Variants in NIN observed in about 807,000 individuals in gnomAD.
The protein encoded by NIN is ninein, also known as glycogen synthase kinase 3 beta-interacting protein.
NIN carries 137 observed loss-of-function variants against 257.6 expected under a neutral mutation model. The observed-to-expected ratio is 0.53, with a 90% CI of 0.46 to 0.61. The LOEUF (loss-of-function observed/expected upper bound fraction) is 0.61. NIN is among the 20% of genes least tolerant of loss of function. The pLI, the probability that NIN is intolerant of heterozygous loss-of-function variation, is 0.00. For synonymous variants in NIN, 918 were observed against 919.8 expected, an observed-to-expected ratio of 1.00 and a Z score of 0.04; for missense variants, 2,439 against 2,501.2, an observed-to-expected ratio of 0.98 and a Z score of 0.53.
chr14:50,769,011 T>C (rs1019662987), intron 12 of NIN, among the ~76,000 whole-genome samples: 5 of 152,128 alleles, frequency 3.3e-5, no homozygotes, highest in African/African-American at 1.2e-4. Flanking sequence ...GGTGTTGATG[T>C]TGATTGGGGA....
chr14:50,811,838 C>CAA (rs2044634077), intron 3 of NIN, among the ~76,000 whole-genome samples: 1 of 151,666 alleles, frequency 6.6e-6, no homozygotes, highest in Admixed American at 6.6e-5. Flanking sequence ...ATTAAAAATA[C>CAA]AAAAAATTAG....
At chr14:50,770,757 A>T in intron 11 of NIN, 95 bp downstream of exon 11, 1 of 1,449,430 alleles carries the variant, frequency 6.9e-7, no homozygotes, top group Non-Finnish European at 9.2e-7. Flanking sequence ...TGACCAGAAG[A>T]GTCCCCAGTG....
Position 50,752,704 on chromosome 14 carries a change from T to C in NIN, c.4764A>G (p.Gln1588=), listed in dbSNP as rs2041839386. ...QISELKIKNQ[Q]LDLENTELSQ... Reference sequence around the variant, plus strand: ...TAAGTTCTGTATTTTCCAAATCCAATTGTTGGTTTTTGATTTTTAATTCTG... The same window carrying C: ...TAAGTTCTGTATTTTCCAAATCCAACTGTTGGTTTTTGATTTTTAATTCTG... Residue 1588 remains glutamine (Q), a synonymous_variant, in exon 21 of 31, where the codon CAA becomes CAG. Transcript: ENST00000530997. 2 of 1,598,726 alleles carry C rather than the reference T, an allele frequency of 1.3e-6. No individual in the cohort carries two copies. The highest frequency in any genetic ancestry group is 1.3e-5 in the African/African-American group (1 of 74,304).
chr14:50,758,527 T>A lies in NIN; in HGVS notation c.2503A>T (p.Ser835Cys). 1 of 1,614,176 alleles carries A rather than the reference T, an allele frequency of 6.2e-7. No homozygotes were observed. The highest frequency in any genetic ancestry group is 1.7e-4 in the Middle Eastern group (1 of 6,060). ...TCTTGGCGGTAGCGCCCCTCCAGGCTTTGCAGAGCGCTTTCACACCTCTCA... is the reference window on the plus strand; with the variant it reads ...TCTTGGCGGTAGCGCCCCTCCAGGCATTGCAGAGCGCTTTCACACCTCTCA... ...VTERCESALQSLEGRYRQELK... is the reference protein window; with the variant it reads ...VTERCESALQCLEGRYRQELK... Residue 835 changes from serine to cysteine, a missense_variant, in exon 18 of 31, where the codon AGC becomes TGC. By Grantham distance (112) the Ser-to-Cys change is moderately radical. Transcript: ENST00000530997.
At chr14:50,778,272 G>A (rs1055691113) in intron 6 of NIN, among the ~76,000 whole-genome samples, 6 of 152,126 alleles carry the variant, frequency 3.9e-5, no homozygotes, top group Non-Finnish European at 5.9e-5. Flanking sequence ...CCAACTCTCG[G>A]GCTTAATGGA....
At chr14:50,774,957 C>T (rs768891724) in intron 7 of NIN, among the ~76,000 whole-genome samples, 3 of 152,230 alleles carry the variant, frequency 2.0e-5, no homozygotes, top group Non-Finnish European at 4.4e-5. Context: ...CTTATTCTTA[C>T]ATGGACCAGG....
rs775724124 is a variant in NIN at position 50,741,667 on chromosome 14, T to C, written c.5363A>G (p.Asp1788Gly). The change falls in exon 25 of 31, where the codon GAC becomes GGC. Residue 1788 changes from aspartate (D) to glycine (G), a missense_variant. Asp to Gly is a moderately conservative substitution (Grantham distance 94). Transcript: ENST00000530997. ...VNLQMSRMKS[D>G]LRVTQQEKEA... is the part of the protein sequence containing the mutation. ...CTTTTCCTGCTGAGTCACTCGTAGG[T>C]CAGATTTCATCCGGGACATTTGCAG... 6.2e-7 allele frequency: 1 copy of C among 1,613,990 alleles called. No individual in the cohort carries two copies. Among genetic ancestry groups the C allele is most frequent in the African/African-American group, 1.3e-5 (1 of 74,932 alleles).
At chr14:50,795,383 A>T (rs760501059) in intron 4 of NIN, among the ~76,000 whole-genome samples, 127 of 152,242 alleles carry the variant, frequency 8.3e-4, no homozygotes, top group Non-Finnish European at 1.5e-3. Context: ...ATGTTCAGAG[A>T]GAACATTCAC....
In NIN at chr14:50,757,810, G is replaced by A; in HGVS notation, c.3220C>T (p.His1074Tyr). 1.2e-6 allele frequency: 2 copies of A among 1,614,072 alleles called. No individual in the cohort carries two copies. The highest frequency in any genetic ancestry group is 1.7e-6 in the Non-Finnish European group (2 of 1,180,024). The change falls in exon 18 of 31, where the codon CAT becomes TAT. Residue 1074 changes from histidine to tyrosine, a missense_variant. By Grantham distance (83) the His-to-Tyr change is moderately conservative. Around this residue, in one of 3 missense-constraint regions of NIN, gnomAD observed 2,043 missense variants for 2,050.2 expected, o/e 1.00. Coordinates refer to ENST00000530997, the MANE Select transcript of NIN (RefSeq NM_020921.4). ...ACATTTTCCTTCACTGCCTGTTCAT[G>A]AGCTCTCTGCAGGCTTAAGAGGACG... ...GDVLLSLQRA[H>Y]EQAVKENVKM...
chr14:50,729,337 G>A (rs533056558), intron 29 of NIN, among the ~76,000 whole-genome samples, 186 bp downstream of exon 29: 6 of 151,266 alleles, frequency 4.0e-5, no homozygotes, highest in South Asian at 2.1e-4. Flanking sequence ...ACACATGATC[G>A]TAGCTCACTG....
At chr14:50,786,746 G>A (rs1490655216) in intron 5 of NIN, among the ~76,000 whole-genome samples, 1 of 152,176 alleles carries the variant, frequency 6.6e-6, no homozygotes, top group Non-Finnish European at 1.5e-5. Flanking sequence ...TAACAAGGGA[G>A]TAACAGGAAA....
At position 50,719,909 on chromosome 14, in the gene NIN, A is replaced by G. The variant is rs2040239968; in HGVS notation, c.*3554T>C. ...AGATGAAATATACAAAGCTGATATAAACACAGAACTCATTAATCTTTATCT... is the reference window on the plus strand; with the variant it reads ...AGATGAAATATACAAAGCTGATATAGACACAGAACTCATTAATCTTTATCT... On this transcript the variant is annotated 3_prime_UTR_variant, in exon 31 of 31. Transcript: ENST00000530997. The G allele has an allele frequency of 4.8e-6, 1 of 209,736 alleles. No homozygotes were observed. 13.0% of individuals were successfully genotyped at this position (209,736 alleles called of 1,614,324 possible).
At chr14:50,770,821 G>A in intron 11 of NIN, 31 bp downstream of exon 11, 4 of 1,600,898 alleles carry the variant, frequency 2.5e-6, no homozygotes, top group Non-Finnish European at 3.4e-6. Context: ...AGGGTGGTGG[G>A]TGAGGAGGAG....
Position 50,743,527 on chromosome 14 carries a change from CAACTGTTT to C in NIN, c.5188-6_5189del. 1.2e-6 allele frequency: 2 copies of C among 1,607,816 alleles called. No individual in the cohort carries two copies. Among genetic ancestry groups the C allele is most frequent in the Non-Finnish European group, 1.7e-6 (2 of 1,174,560 alleles). On this transcript the variant is annotated splice_acceptor_variant and splice_polypyrimidine_tract_variant and coding_sequence_variant and intron_variant, in exon 24 of 31. Transcript: ENST00000530997. LOFTEE classifies it high-confidence loss of function. ...TATGCTCTAAAAGACTTGATTTTGC[CAACTGTTT>C]CAGGAAGGGAAAAAGAGGTAAGAGG... is the stretch of plus-strand genomic sequence containing the variant.
chr14:50,749,561 T>G (rs2041698960), intron 21 of NIN, among the ~76,000 whole-genome samples: 2 of 152,232 alleles, frequency 1.3e-5, no homozygotes, highest in Admixed American at 1.3e-4. Flanking sequence ...TGTCTACAAC[T>G]ATTATTACTG....
chr14:50,727,386 G>A, intron 29 of NIN: 2 of 1,020,344 alleles, frequency 2.0e-6, no homozygotes, highest in Non-Finnish European at 2.4e-6. Flanking sequence ...CATATGGAAT[G>A]AGAAAATATA....
In NIN at chr14:50,761,911, C is replaced by G. The variant is rs2042289581; in HGVS notation, c.1775G>C (p.Gly592Ala). The G allele has an allele frequency of 6.2e-7, 1 of 1,613,786 alleles. No individual in the cohort carries two copies. The highest frequency in any genetic ancestry group is 1.3e-5 in the African/African-American group (1 of 74,876). Reference sequence around the variant, plus strand: ...TGGATTGCATTCTTCAGAACCGAGCCCTGAAAACACATGGGACTCATTGAT... The same window carrying G: ...TGGATTGCATTCTTCAGAACCGAGCGCTGAAAACACATGGGACTCATTGAT... The part of the protein sequence containing the change: ...ANSGGIEPEH[G>A]LGSEECNPLN... The change falls in exon 16 of 31, where the codon GGG becomes GCG. Residue 592 changes from glycine to alanine, a missense_variant and splice_region_variant. Gly to Ala is a moderately conservative substitution (Grantham distance 60). Around this residue, in one of 3 missense-constraint regions of NIN, gnomAD observed 2,043 missense variants for 2,050.2 expected, o/e 1.00. Coordinates refer to ENST00000530997, the MANE Select transcript of NIN (RefSeq NM_020921.4).
chr14:50,758,741 C>A, intron 17 of NIN, 111 bp from the exon 18 acceptor site: 1 of 961,744 alleles, frequency 1.0e-6, no homozygotes, highest in South Asian at 1.8e-5. Flanking sequence ...CTGAAATACT[C>A]CCTAAAAATG....
Position 50,756,158 on chromosome 14 carries a change from A to T in NIN, c.4538+334T>A, listed in dbSNP as rs964522615. ...TGAGGAAAGTAACACTTAGCAAAATAAAAAAAAAAAATCCCCTATCCATCT... is the reference window on the plus strand; with the variant it reads ...TGAGGAAAGTAACACTTAGCAAAATTAAAAAAAAAAATCCCCTATCCATCT... On this transcript the variant is annotated intron_variant, in intron 18 of 30. Coordinates refer to ENST00000530997, the MANE Select transcript of NIN (RefSeq NM_020921.4). Among the ~76,000 whole-genome samples, 4 of 8,016 alleles carry T rather than the reference A, an allele frequency of 5.0e-4. No individual in the cohort carries two copies. The African/African-American group carries it at 5.1e-3, about 10-fold the overall frequency. The allele number at this position is 8,016 out of a possible 152,430, so 5.3% of individuals were successfully genotyped here. A position where few individuals can be genotyped will look rare whatever the true frequency, so the allele number is the denominator to read the frequency against.
Sources: gnomAD v4.1 joint callset for allele counts (sites outside exome capture counted in the v4.1 genomes callset) on GRCh38, gnomAD v4.1.1 for gene constraint, gnomAD v4.1.1 regional missense constraint, MANE v1.5 for transcripts, NCBI Gene and HGNC (gene_info 2026-07-23, HGNC 2026-07-21) for gene names.